MEGF10: variants seen among roughly 807,000 people sequenced by gnomAD.
MEGF10 encodes the protein multiple epidermal growth factor-like domains protein 10.
A neutral mutation model predicts 147.5 loss-of-function variants in MEGF10; 86 were observed. The ratio of observed to expected loss-of-function variants is 0.58; its 90% CI spans 0.49 to 0.70. The LOEUF (loss-of-function observed/expected upper bound fraction) is 0.70. Ranked by LOEUF, MEGF10 falls within the 30% of genes least tolerant of loss-of-function variation. The pLI, the probability that MEGF10 is intolerant of heterozygous loss-of-function variation, is 0.00. For missense variants in MEGF10, 1,329 were observed against 1,487.3 expected, an observed-to-expected ratio of 0.89 and a Z score of 1.75; for synonymous variants, 478 against 525.5, an observed-to-expected ratio of 0.91 and a Z score of 1.24.
the MEGF10 span, among the ~76,000 whole-genome samples, chr5:127,273,564 A>G: frequency 4.6e-5 from 7 of 152,390 alleles, no homozygotes; most frequent in South Asian, 1.4e-3. Context: ...AGACTGCAGA[A>G]TAACTGCACT....
intron 1 of MEGF10, among the ~76,000 whole-genome samples, chr5:127,330,498 A>G (rs769596814): frequency 3.9e-5 from 6 of 151,962 alleles, no homozygotes; most frequent in Admixed American, 6.6e-5. Flanking sequence ...ACCCTCTTCA[A>G]TCTCCTTTGC....
In MEGF10 at chr5:127,419,150, G is replaced by A; in HGVS notation, c.1336G>A (p.Gly446Arg). Residue 446 changes from glycine (G) to arginine (R), a missense_variant, in exon 11 of 25, where the codon GGA (glycine) becomes AGA (arginine). Physicochemically the swap from Gly to Arg is moderately radical, Grantham distance 125. Coordinates refer to ENST00000503335, the MANE Select transcript of MEGF10 (RefSeq NM_001256545.2). ...TGACTGCTCTACCCCATGCCCTCTG[G>A]GAACCTATGGGATAAACTGTTCCTC... ...GIDCSTPCPL[G>R]TYGINCSSRC... The A allele has an allele frequency of 6.2e-7, 1 of 1,614,008 alleles. No homozygotes were observed. Among genetic ancestry groups the A allele is most frequent in the South Asian group, 1.1e-5 (1 of 91,064 alleles).
At chr5:127,288,596 G>C (rs1241975050), upstream of MEGF10, among the ~76,000 whole-genome samples, 1 of 152,134 alleles carries the variant, frequency 6.6e-6, no homozygotes, top group African/African-American at 2.4e-5. Context: ...AAACTACCCA[G>C]TGTTGATGAG....
upstream of MEGF10, chr5:127,290,737 G>C (rs1168997464): frequency 6.5e-6 from 1 of 152,998 alleles, no homozygotes; most frequent in South Asian, 2.1e-4. Flanking sequence ...AGCGGCAACT[G>C]CTCGAATCCC....
chr5:127,257,981 A>T, the MEGF10 span, among the ~76,000 whole-genome samples: 5 of 152,202 alleles, frequency 3.3e-5, no homozygotes, highest in African/African-American at 1.2e-4. Context: ...TCAAGTGCTC[A>T]ACTAAAGAAT....
intron 16 of MEGF10, among the ~76,000 whole-genome samples, chr5:127,436,063 G>A (rs1463420518): frequency 6.6e-6 from 1 of 152,154 alleles, no homozygotes; most frequent in Non-Finnish European, 1.5e-5. Flanking sequence ...ATTCATGAAT[G>A]TTTTGAAAGG....
At chr5:127,377,752 TG>T (rs1427644434) in intron 5 of MEGF10, among the ~76,000 whole-genome samples, 1 of 152,212 alleles carries the variant, frequency 6.6e-6, no homozygotes, top group Non-Finnish European at 1.5e-5. Flanking sequence ...ATCTATTGAC[TG>T]GCAACAATGG....
chr5:127,267,964 T>C, the MEGF10 span, among the ~76,000 whole-genome samples: 2 of 152,160 alleles, frequency 1.3e-5, no homozygotes, highest in Non-Finnish European at 2.9e-5. Flanking sequence ...TCTGCTAGCT[T>C]TTGAATGTGT....
chr5:127,301,184 G>GA (rs1299297658), intron 1 of MEGF10, among the ~76,000 whole-genome samples: 1 of 152,194 alleles, frequency 6.6e-6, no homozygotes, highest in Non-Finnish European at 1.5e-5. Context: ...GCTCCTCAGT[G>GA]AGCCACAGGA....
At chr5:127,279,000 A>G in the MEGF10 span, among the ~76,000 whole-genome samples, 4 of 152,210 alleles carry the variant, frequency 2.6e-5, no homozygotes, top group Non-Finnish European at 5.9e-5. Context: ...CCAACACATT[A>G]AATTGCACCA....
intron 13 of MEGF10, among the ~76,000 whole-genome samples, chr5:127,427,544 G>A (rs1580857833): frequency 6.6e-6 from 1 of 151,804 alleles, no homozygotes; most frequent in South Asian, 2.1e-4. Context: ...TCACCTGTGG[G>A]CAAGTTGATG....
At chr5:127,353,972 TAAG>T (rs1762185575) in intron 4 of MEGF10, among the ~76,000 whole-genome samples, 1 of 152,208 alleles carries the variant, frequency 6.6e-6, no homozygotes, top group Admixed American at 6.5e-5. Context: ...GAACCGTAAA[TAAG>T]AAGCCTTAAC....
the MEGF10 span, among the ~76,000 whole-genome samples, chr5:127,284,004 G>A: frequency 1.3e-5 from 2 of 152,192 alleles, no homozygotes; most frequent in Admixed American, 6.5e-5. Context: ...GTGAAGACAT[G>A]TTACATGAAG....
intron 1 of MEGF10, among the ~76,000 whole-genome samples, chr5:127,318,215 G>A (rs963357280): frequency 2.0e-5 from 3 of 152,090 alleles, no homozygotes; most frequent in South Asian, 2.1e-4. Flanking sequence ...ATCTGCCAGC[G>A]CCTTGATTCT....
chr5:127,305,759 G>A (rs1056140767), intron 1 of MEGF10, among the ~76,000 whole-genome samples: 2 of 152,198 alleles, frequency 1.3e-5, no homozygotes, highest in East Asian at 3.8e-4. Flanking sequence ...ATGGTTTAGA[G>A]TGCCTCACTA....
rs537858114 is a variant in MEGF10 at position 127,369,009 on chromosome 5, GC to G, written c.320-900del. 2.5e-4 allele frequency among the ~76,000 whole-genome samples: 38 copies of G among 152,186 alleles called. 1 individual carries two copies. In the South Asian group the frequency reaches 7.5e-3, roughly 30 times the overall value. On this transcript the variant is annotated intron_variant, in intron 4 of 24. Coordinates refer to ENST00000503335, the MANE Select transcript of MEGF10 (RefSeq NM_001256545.2). ...ACTTTTTGGTGTTTTATATATTTGA[GC>G]AGTAAGTCTTTTGTAATAAGACATA...
rs780101604 is a variant in MEGF10 at position 127,434,696 on chromosome 5, CTGGTT to C, written c.1852_1856del (p.Gly618LeufsTer27). ...TCCCTTCTGTTTTCAGTCTGCTCCC[CTGGTT>C]TTTATGGGCATCGCTGCAGCCAGAC... On this transcript the variant is annotated frameshift_variant, in exon 15 of 25. Transcript: ENST00000503335. LOFTEE classifies it high-confidence loss of function. The C allele has an allele frequency of 6.2e-7, 1 of 1,611,834 alleles. No individual in the cohort carries two copies. The highest frequency in any genetic ancestry group is 8.5e-7 in the Non-Finnish European group (1 of 1,178,978).
chr5:127,389,215 C>G (rs890280114), intron 5 of MEGF10, among the ~76,000 whole-genome samples: 7 of 152,102 alleles, frequency 4.6e-5, no homozygotes, highest in Admixed American at 4.6e-4. Flanking sequence ...TCATAATTGT[C>G]ATGAGGACTA....
At chr5:127,417,984 C>T (rs2126968491) in intron 10 of MEGF10, among the ~76,000 whole-genome samples, 172 bp downstream of exon 10, 1 of 152,254 alleles carries the variant, frequency 6.6e-6, no homozygotes, top group East Asian at 1.9e-4. Flanking sequence ...TAAGGAATTA[C>T]CTTAGAATAA....
Sources: allele counts gnomAD v4.1 joint callset (sites outside exome capture counted in the v4.1 genomes callset), GRCh38; gene constraint gnomAD v4.1.1; transcripts MANE v1.5; gene names NCBI Gene and HGNC (gene_info 2026-07-23, HGNC 2026-07-21).